PFDN4: variants seen among roughly 807,000 people sequenced by gnomAD.
PFDN4 encodes prefoldin subunit 4, also known as prefoldin 4.
A neutral mutation model predicts 17.6 loss-of-function variants in PFDN4; 6 were observed. The ratio of observed to expected loss-of-function variants is 0.34; its 90% CI spans 0.19 to 0.67. The LOEUF is 0.67. Among genes scored for constraint, PFDN4 ranks in the 30% least tolerant of loss-of-function variants. PFDN4 has a pLI of 0.68. For synonymous variants in PFDN4, 48 were observed against 51.1 expected (o/e 0.94, Z 0.26); for missense variants, 119 against 158.4 (o/e 0.75, Z 1.33).
At chr20:54,215,236 A>G in intron 2 of PFDN4, 64 bp from the exon 3 acceptor site, 1 of 1,233,240 alleles carries the variant, frequency 8.1e-7, no homozygotes, top group Non-Finnish European at 1.1e-6. Context: ...CCCAAATTAC[A>G]ATTGGCCTTT....
At chr20:54,218,875 T>A in intron 3 of PFDN4, 144 bp from the exon 4 acceptor site, 1 of 524,582 alleles carries the variant, frequency 1.9e-6, no homozygotes, top group South Asian at 3.2e-5. Context: ...TTCAGACATT[T>A]AGATCTAATT....
chr20:54,217,294 G>T (rs1243975083), intron 3 of PFDN4, among the ~76,000 whole-genome samples: 1 of 152,008 alleles, frequency 6.6e-6, no homozygotes, highest in Non-Finnish European at 1.5e-5. Context: ...GGCGGGGGGC[G>T]GGGGGTTCTA....
intron 1 of PFDN4, chr20:54,209,015 A>G (rs1209614969): frequency 6.6e-6 from 1 of 152,230 alleles, no homozygotes; most frequent in African/African-American, 2.4e-5. Flanking sequence ...AGATGTGTAA[A>G]GATAGTCAGA....
At chr20:54,211,409 C>T (rs1034563496) in intron 1 of PFDN4, among the ~76,000 whole-genome samples, 1 of 152,210 alleles carries the variant, frequency 6.6e-6, no homozygotes. Flanking sequence ...AGATCTGGAT[C>T]TGTTCTTTGT....
chr20:54,219,673 A>G lies in PFDN4; in HGVS notation c.*523A>G, dbSNP rs1240664256. ...AACATACATATTTAACATTTTTTAC[A>G]TATCTATCAATATCAGAGATTTGGG... is the stretch of plus-strand genomic sequence containing the variant. On this transcript the variant is annotated 3_prime_UTR_variant, in exon 4 of 4. Transcript: ENST00000371419. The G allele has an allele frequency of 7.5e-6, 3 of 397,936 alleles. No homozygotes were observed. The highest frequency in any genetic ancestry group is 4.4e-5 in the Admixed American group (1 of 22,686). The allele number at this position is 397,936 out of a possible 1,614,324, so 24.7% of individuals were successfully genotyped here. A position where few individuals can be genotyped will look rare whatever the true frequency, so the allele number is the denominator to read the frequency against.
intron 3 of PFDN4, among the ~76,000 whole-genome samples, chr20:54,217,017 G>A (rs992699671): frequency 3.9e-5 from 6 of 152,126 alleles, no homozygotes; most frequent in South Asian, 2.1e-4. Flanking sequence ...TGCTTACTCT[G>A]TATCAGGTTC....
At chr20:54,215,591 T>G in intron 3 of PFDN4, 151 bp downstream of exon 3, 1 of 534,662 alleles carries the variant, frequency 1.9e-6, no homozygotes, top group Non-Finnish European at 3.3e-6. Context: ...CCAGCAGGAT[T>G]TTGTTGAATC....
At chr20:54,210,370 T>G (rs544685545) in intron 1 of PFDN4, among the ~76,000 whole-genome samples, 2 of 152,356 alleles carry the variant, frequency 1.3e-5, no homozygotes, top group South Asian at 2.1e-4. Context: ...CTTTTCCCCT[T>G]TGCCCTCACT....
chr20:54,218,176 CTTT>C (rs11365330), intron 3 of PFDN4, among the ~76,000 whole-genome samples: 22 of 129,250 alleles, frequency 1.7e-4, no homozygotes, highest in Non-Finnish European at 3.2e-4. Flanking sequence ...AACTTAATGG[CTTT>C]TTTTTTTTTT....
chr20:54,218,557 C>A (rs1350671488), intron 3 of PFDN4, among the ~76,000 whole-genome samples: 7 of 152,052 alleles, frequency 4.6e-5, no homozygotes, highest in Non-Finnish European at 1.0e-4. Flanking sequence ...CTCCAGAGGC[C>A]TCAAAGTTAG....
intron 2 of PFDN4, among the ~76,000 whole-genome samples, chr20:54,215,083 G>A (rs1321409013): frequency 6.6e-6 from 1 of 152,216 alleles, no homozygotes; most frequent in East Asian, 1.9e-4. Context: ...GTCCACCACA[G>A]GGCGCTTATT....
chr20:54,218,406 T>C (rs1470896248), intron 3 of PFDN4, among the ~76,000 whole-genome samples: 1 of 152,154 alleles, frequency 6.6e-6, no homozygotes, highest in African/African-American at 2.4e-5. Flanking sequence ...TATAATTTAT[T>C]AATACAATAT....
At chr20:54,218,127 G>A (rs2092765050) in intron 3 of PFDN4, among the ~76,000 whole-genome samples, 1 of 145,442 alleles carries the variant, frequency 6.9e-6, no homozygotes, top group Non-Finnish European at 1.5e-5. Context: ...TTTTTGTCAT[G>A]TTTAGGAAAA....
rs2092766598 is a variant in PFDN4 at position 54,219,237 on chromosome 20, C to T, written c.*87C>T. 30 of 829,860 alleles carry T rather than the reference C, an allele frequency of 3.6e-5. No individual in the cohort carries two copies. The highest frequency in any genetic ancestry group is 4.6e-5 in the Non-Finnish European group (26 of 568,850). 51.4% of individuals were successfully genotyped at this position (829,860 alleles called of 1,614,324 possible). A position where few individuals can be genotyped will look rare whatever the true frequency, so the allele number is the denominator to read the frequency against. The stretch of plus-strand genomic sequence containing the variant: ...TTCCTTCTTCAAATGACATGGAAAG[C>T]AAAACTTTCTTTTTTAAAAATTTTC... On this transcript the variant is annotated 3_prime_UTR_variant, in exon 4 of 4. Coordinates refer to ENST00000371419, the MANE Select transcript of PFDN4 (RefSeq NM_002623.4).
chr20:54,218,999 TTAAAA>T lies in PFDN4; in HGVS notation c.274-17_274-13del. 2 of 1,404,348 alleles carry T rather than the reference TTAAAA, an allele frequency of 1.4e-6. No individual in the cohort carries two copies. Among genetic ancestry groups the T allele is most frequent in the Non-Finnish European group, 1.9e-6 (2 of 1,030,362 alleles). The allele number at this position is 1,404,348 out of a possible 1,614,324, so 87.0% of individuals were successfully genotyped here. A position where few individuals can be genotyped will look rare whatever the true frequency, so the allele number is the denominator to read the frequency against. ...AATCATCCTATTGAATAGAATTAAT[TTAAAA>T]TATTTTTTTTCCAGAAAAATTTGCA... On this transcript the variant is annotated splice_polypyrimidine_tract_variant and intron_variant, in intron 3 of 3. Transcript: ENST00000371419.
intron 3 of PFDN4, among the ~76,000 whole-genome samples, chr20:54,215,842 G>C (rs1452374998): frequency 1.3e-5 from 2 of 152,188 alleles, no homozygotes; most frequent in African/African-American, 4.8e-5. Flanking sequence ...TGTTCTCTCT[G>C]CCTCTCTCCG....
chr20:54,217,750 T>C lies in PFDN4; in HGVS notation c.274-1269T>C, dbSNP rs895613292. Among the ~76,000 whole-genome samples the C allele has an allele frequency of 6.6e-5, 10 of 152,244 alleles. No individual in the cohort carries two copies. The East Asian group carries it at 1.9e-3, about 29-fold the overall frequency. ...CTTTCTAGTGTCTTATTTTACTTATTAACCAGGTTTTCTCGGTATAGAAAT... is the reference window on the plus strand; with the variant it reads ...CTTTCTAGTGTCTTATTTTACTTATCAACCAGGTTTTCTCGGTATAGAAAT... On this transcript the variant is annotated intron_variant, in intron 3 of 3. Coordinates refer to ENST00000371419, the MANE Select transcript of PFDN4 (RefSeq NM_002623.4).
At chr20:54,212,623 A>G (rs1457102724) in intron 1 of PFDN4, among the ~76,000 whole-genome samples, 1 of 152,272 alleles carries the variant, frequency 6.6e-6, no homozygotes, top group African/African-American at 2.4e-5. Context: ...GCAGTCCTGC[A>G]CTGGATCCGT....
At chr20:54,212,411 A>G (rs1042312887) in intron 1 of PFDN4, among the ~76,000 whole-genome samples, 1 of 152,210 alleles carries the variant, frequency 6.6e-6, no homozygotes, top group Non-Finnish European at 1.5e-5. Flanking sequence ...AAACCACTGT[A>G]AAGATCTGGA....
Sources: gnomAD v4.1 joint callset for allele counts (sites outside exome capture counted in the v4.1 genomes callset) on GRCh38, gnomAD v4.1.1 for gene constraint, MANE v1.5 for transcripts, NCBI Gene and HGNC (gene_info 2026-07-23, HGNC 2026-07-21) for gene names.